The following CADPS variants were observed in gnomAD, a reference collection of about 807,000 sequenced individuals.
The protein encoded by CADPS is calcium-dependent secretion activator 1.
A neutral mutation model predicts 167.3 loss-of-function variants in CADPS; 57 were observed. The ratio of observed to expected loss-of-function variants is 0.34; its 90% confidence interval spans 0.28 to 0.42. The LOEUF (loss-of-function observed/expected upper bound fraction) is 0.42, where lower values mean the gene tolerates loss of function less well. Ranked by LOEUF, CADPS falls within the 20% of genes least tolerant of loss-of-function variation. The probability of loss-of-function intolerance (pLI) is 1.00; values close to 1 mark genes in which losing one functional copy is unlikely to be tolerated. For missense variants in CADPS, 1,414 were observed against 1,738.1 expected, an observed-to-expected ratio of 0.81 and a Z score of 3.32; for synonymous variants, 676 against 635.3, an observed-to-expected ratio of 1.06 and a Z score of -0.96.
intron 1 of CADPS, among the ~76,000 whole-genome samples, chr3:62,822,142 G>A (rs1229790970): frequency 6.6e-6 from 1 of 150,966 alleles, no homozygotes; most frequent in Non-Finnish European, 1.5e-5. Context: ...TAGGACAACT[G>A]AGATAATTTC....
At chr3:62,541,655 A>G (rs1324625830) in intron 11 of CADPS, among the ~76,000 whole-genome samples, 2 of 152,162 alleles carry the variant, frequency 1.3e-5, no homozygotes, top group African/African-American at 4.8e-5. Context: ...TGATACTATT[A>G]TGTGGGTTTT....
At chr3:62,829,703 C>G (rs1473373542) in intron 1 of CADPS, among the ~76,000 whole-genome samples, 1 of 152,066 alleles carries the variant, frequency 6.6e-6, no homozygotes, top group East Asian at 1.9e-4. Flanking sequence ...AAATAATAAA[C>G]AGGTCAAGCT....
chr3:62,551,517 T>A (rs1422103745), intron 10 of CADPS, among the ~76,000 whole-genome samples: 1 of 152,190 alleles, frequency 6.6e-6, no homozygotes, highest in Admixed American at 6.5e-5. Flanking sequence ...CCAGAGTCCC[T>A]GATTTAGCAC....
intron 27 of CADPS, among the ~76,000 whole-genome samples, chr3:62,443,316 G>C (rs1224104958): frequency 2.0e-5 from 3 of 152,180 alleles, no homozygotes; most frequent in Non-Finnish European, 1.5e-5. Flanking sequence ...TATAACGCTT[G>C]GTTGTAGTAG....
intron 1 of CADPS, among the ~76,000 whole-genome samples, chr3:62,768,244 C>T (rs1202910225): frequency 6.6e-6 from 1 of 152,076 alleles, no homozygotes; most frequent in Admixed American, 6.6e-5. Context: ...TTTAAGCAGG[C>T]CAGCTTTAAT....
chr3:62,474,179 GC>G lies in CADPS; in HGVS notation c.3470del (p.Gly1157AlafsTer10). ...QSTKLCSMEM[G>X]QEHQYHSKID... ...TTTTTTTTTTTTTTTTTACCTCTTG[GC>G]CCATTTCCATGCTGCAAAGTTTTGT... On this transcript the variant is annotated frameshift_variant, in exon 24 of 30. Coordinates refer to ENST00000383710, the MANE Select transcript of CADPS (RefSeq NM_003716.4). LOFTEE classifies it high-confidence loss of function. The G allele has an allele frequency of 2.1e-6, 1 of 472,420 alleles. No individual in the cohort carries two copies. Among genetic ancestry groups the G allele is most frequent in the Non-Finnish European group, 2.9e-6 (1 of 339,444 alleles). 29.3% of individuals were successfully genotyped at this position (472,420 alleles called of 1,614,324 possible).
intron 11 of CADPS, among the ~76,000 whole-genome samples, chr3:62,547,594 C>CTCCCT (rs945940616): frequency 1.8e-5 from 2 of 110,470 alleles, no homozygotes; most frequent in African/African-American, 7.6e-5. Context: ...ACGCCCCCCC[C>CTCCCT]CCCCCGCAAA....
intron 3 of CADPS, among the ~76,000 whole-genome samples, chr3:62,725,553 A>G (rs34660911): frequency 0.077 from 11,787 of 152,184 alleles, 616 homozygotes; most frequent in Non-Finnish European, 0.12. Context: ...TTCCTCAACC[A>G]TTGAAGCAAG....
At chr3:62,591,824 G>A (rs1189034174) in intron 7 of CADPS, among the ~76,000 whole-genome samples, 1 of 152,156 alleles carries the variant, frequency 6.6e-6, no homozygotes, top group East Asian at 1.9e-4. Context: ...GGCACTGAGT[G>A]GGTGGGTCCA....
At position 62,719,071 on chromosome 3, in the gene CADPS, T is replaced by G. The variant is rs1327915060; in HGVS notation, c.888+34370A>C. Among the ~76,000 whole-genome samples the G allele has an allele frequency of 3.3e-5, 5 of 152,340 alleles. No individual in the cohort carries two copies. The East Asian group carries it at 9.7e-4, about 29-fold the overall frequency. On this transcript the variant is annotated intron_variant, in intron 3 of 29. Coordinates refer to ENST00000383710, the MANE Select transcript of CADPS (RefSeq NM_003716.4). ...GTCCTGGTGATGCCGTCTGGGTTTA[T>G]ATATCAATCCCTTAAATGAGCTGAG...
At chr3:62,516,030 T>A in intron 16 of CADPS, 29 bp downstream of exon 16, 1 of 1,611,634 alleles carries the variant, frequency 6.2e-7, no homozygotes, top group South Asian at 1.1e-5. Flanking sequence ...AAATTTAAAT[T>A]CAAAACTGGG....
chr3:62,746,096 C>G (rs1351673125), intron 3 of CADPS, among the ~76,000 whole-genome samples: 1 of 152,160 alleles, frequency 6.6e-6, no homozygotes, highest in African/African-American at 2.4e-5. Flanking sequence ...TTATGAAAGC[C>G]TGTGGGCAAA....
intron 28 of CADPS, among the ~76,000 whole-genome samples, chr3:62,428,914 C>T (rs1228607335): frequency 6.6e-6 from 1 of 152,172 alleles, no homozygotes; most frequent in Admixed American, 6.5e-5. Context: ...AATACACAGA[C>T]TAGCACTCTA....
intron 6 of CADPS, among the ~76,000 whole-genome samples, chr3:62,605,297 A>G (rs1475234709): frequency 6.6e-5 from 10 of 152,120 alleles, no homozygotes; most frequent in Admixed American, 5.2e-4. Context: ...TCTGAGCTGA[A>G]GAAGTCCTGA....
At chr3:62,742,623 A>G (rs2080520972) in intron 3 of CADPS, among the ~76,000 whole-genome samples, 1 of 152,156 alleles carries the variant, frequency 6.6e-6, no homozygotes, top group African/African-American at 2.4e-5. Context: ...ACAAAAATTA[A>G]CTCAAGATAG....
rs1416048052 is a variant in CADPS at position 62,438,638 on chromosome 3, C to T, written c.3670-427G>A. On this transcript the variant is annotated intron_variant, in intron 27 of 29. Coordinates refer to ENST00000383710, the MANE Select transcript of CADPS (RefSeq NM_003716.4). The surrounding 1 kb of genome is among the most constrained non-coding windows in gnomAD (Gnocchi z 4.7). ...GTGATGGAACTTCCCATTCCTTTTTCCTCTTTTAAAATATTGAGAAAGTAC... is the reference window on the plus strand; with the variant it reads ...GTGATGGAACTTCCCATTCCTTTTTTCTCTTTTAAAATATTGAGAAAGTAC... 1 of 162,562 alleles carries T rather than the reference C, an allele frequency of 6.2e-6. No homozygotes were observed. The highest frequency in any genetic ancestry group is 1.3e-5 in the Non-Finnish European group (1 of 75,690). 10.1% of individuals were successfully genotyped at this position (162,562 alleles called of 1,614,324 possible).
At chr3:62,729,362 G>T (rs1849471) in intron 3 of CADPS, among the ~76,000 whole-genome samples, 3,660 of 151,998 alleles carry the variant, frequency 0.024, 230 homozygotes, top group African/African-American at 0.084. Context: ...GAAGGCATTT[G>T]CAAATGCCCT....
intron 6 of CADPS, among the ~76,000 whole-genome samples, chr3:62,638,077 T>TTATATA (rs928423543): frequency 0.031 from 1,150 of 36,672 alleles, 12 homozygotes; most frequent in Middle Eastern, 0.069. Flanking sequence ...GTTTTAAGCA[T>TTATATA]TATATATATA....
chr3:62,677,761 A>G (rs558016702), intron 3 of CADPS, among the ~76,000 whole-genome samples: 1 of 152,246 alleles, frequency 6.6e-6, no homozygotes, highest in African/African-American at 2.4e-5. Context: ...TCTAACTGTT[A>G]AACCCTTCCC....
Sources: gnomAD v4.1 joint callset for allele counts (sites outside exome capture counted in the v4.1 genomes callset) on GRCh38, gnomAD v4.1.1 for gene constraint, Gnocchi (gnomAD v3.1) non-coding constraint, MANE v1.5 for transcripts, NCBI Gene and HGNC (gene_info 2026-07-23, HGNC 2026-07-21) for gene names.